The following FNBP1L variants were observed in gnomAD, a reference collection of about 807,000 sequenced individuals.
FNBP1L encodes the protein formin-binding protein 1-like.
Under a neutral mutation model 91.2 loss-of-function variants are expected in FNBP1L, and 36 were observed. That is an observed-to-expected ratio of 0.39 (90% CI 0.30 to 0.52). The LOEUF (loss-of-function observed/expected upper bound fraction) is 0.52. Ranked by LOEUF, FNBP1L falls within the 20% of genes least tolerant of loss-of-function variation. The pLI, the probability that FNBP1L is intolerant of heterozygous loss-of-function variation, is 0.66. For missense variants in FNBP1L, 571 were observed against 732.1 expected (o/e 0.78, Z 2.54); for synonymous variants, 242 against 237.0 (o/e 1.02, Z -0.19).
At chr1:93,540,891 T>TA (rs1672023909) in intron 10 of FNBP1L, 151 bp from the exon 11 acceptor site, 1 of 553,540 alleles carries the variant, frequency 1.8e-6, no homozygotes, top group African/African-American at 1.9e-5. Context: ...AAAATGTGCT[T>TA]AAAATGGTTT....
At chr1:93,460,174 G>A (rs538139900) in intron 1 of FNBP1L, among the ~76,000 whole-genome samples, 13 of 152,318 alleles carry the variant, frequency 8.5e-5, no homozygotes, top group Non-Finnish European at 1.6e-4. Flanking sequence ...CCTTTAAGAA[G>A]TGATTAGTCT....
intron 6 of FNBP1L, among the ~76,000 whole-genome samples, chr1:93,530,435 T>G (rs919866995): frequency 2.6e-5 from 4 of 152,138 alleles, no homozygotes; most frequent in African/African-American, 9.6e-5. Context: ...ATGTTTTCAT[T>G]TGTTTGTTTT....
intron 2 of FNBP1L, among the ~76,000 whole-genome samples, chr1:93,513,781 G>A (rs944273513): frequency 2.0e-5 from 3 of 152,152 alleles, no homozygotes; most frequent in Non-Finnish European, 2.9e-5. Context: ...AAAATAATAA[G>A]AGCTATCTAC....
intron 1 of FNBP1L, among the ~76,000 whole-genome samples, chr1:93,491,949 CTT>C (rs1431935653): frequency 1.9e-4 from 29 of 152,066 alleles, no homozygotes; most frequent in Admixed American, 1.8e-3. Flanking sequence ...TAATTTGTAA[CTT>C]ATCAGTAACT....
chr1:93,482,721 C>T (rs552923096), intron 1 of FNBP1L, among the ~76,000 whole-genome samples: 3 of 151,922 alleles, frequency 2.0e-5, no homozygotes, highest in African/African-American at 7.2e-5. Context: ...GGTGAAACCC[C>T]TCTCTCTACA....
intron 1 of FNBP1L, among the ~76,000 whole-genome samples, chr1:93,453,896 A>AT (rs1668573882): frequency 6.6e-6 from 1 of 152,226 alleles, no homozygotes; most frequent in Admixed American, 6.5e-5. Context: ...AATCAATTAG[A>AT]TATCAGCATG....
chr1:93,480,814 G>A (rs1258295567), intron 1 of FNBP1L, among the ~76,000 whole-genome samples: 12 of 151,866 alleles, frequency 7.9e-5, no homozygotes, highest in African/African-American at 1.5e-4. Context: ...CGCCTGCCTC[G>A]GCCTCCCAAA....
intron 16 of FNBP1L, 137 bp downstream of exon 16, chr1:93,551,242 A>G: frequency 7.2e-7 from 1 of 1,389,970 alleles, no homozygotes; most frequent in Non-Finnish European, 9.4e-7. Flanking sequence ...TTAATTGTTC[A>G]CTATGTGAGC....
rs537954935 is a variant in FNBP1L, at chr1:93,510,596, A to C, written c.140+11013A>C. Among the ~76,000 whole-genome samples, 184 of 152,114 alleles carry C rather than the reference A, an allele frequency of 1.2e-3. 1 individual carries two copies. In the Middle Eastern group the frequency reaches 0.017, roughly 14 times the overall value. ...ACAGTTCCTCACCAGCAACGGAACA[A>C]AGCTGGACGGAGAATGACTTTGATG... On this transcript the variant is annotated intron_variant, in intron 2 of 16. Transcript: ENST00000271234.
intron 2 of FNBP1L, among the ~76,000 whole-genome samples, chr1:93,511,144 A>G (rs1405276525): frequency 6.6e-6 from 1 of 152,208 alleles, no homozygotes; most frequent in South Asian, 2.1e-4. Context: ...ACTCCAAGAC[A>G]TATAATTGTC....
intron 1 of FNBP1L, among the ~76,000 whole-genome samples, chr1:93,449,865 A>G (rs529605254): frequency 6.6e-6 from 1 of 152,322 alleles, no homozygotes; most frequent in East Asian, 1.9e-4. Context: ...TATCAATGAA[A>G]GGAAATGGGT....
chr1:93,479,339 G>A (rs1444777991), intron 1 of FNBP1L, among the ~76,000 whole-genome samples: 1 of 152,166 alleles, frequency 6.6e-6, no homozygotes, highest in Non-Finnish European at 1.5e-5. Context: ...AAGATAACAA[G>A]GCAAAGGGCA....
intron 5 of FNBP1L, among the ~76,000 whole-genome samples, chr1:93,527,585 A>C (rs1468765346): frequency 2.0e-5 from 3 of 152,168 alleles, no homozygotes; most frequent in African/African-American, 7.2e-5. Context: ...GGGTAATCTA[A>C]TCATTTAGGG....
chr1:93,526,331 C>T (rs914449505), intron 5 of FNBP1L, among the ~76,000 whole-genome samples: 2 of 152,146 alleles, frequency 1.3e-5, no homozygotes, highest in Non-Finnish European at 2.9e-5. Context: ...GGCTCCATCT[C>T]CTTTTCATCT....
At chr1:93,530,967 T>TAGAAAGA in intron 7 of FNBP1L, 84 bp downstream of exon 7, 2 of 1,125,614 alleles carry the variant, frequency 1.8e-6, no homozygotes, top group Non-Finnish European at 2.5e-6. Context: ...CATCAGAATC[T>TAGAAAGA]TTCTAGATTC....
chr1:93,538,853 T>C lies in FNBP1L; in HGVS notation c.1150-2189T>C, dbSNP rs1223797187. On this transcript the variant is annotated intron_variant, in intron 10 of 16. Coordinates refer to ENST00000271234, the MANE Select transcript of FNBP1L (RefSeq NM_001164473.3). ...AATAACTTCTTAAAAATTATGATTT[T>C]TTCTTTTTCTTTTCCTTTTTTAAAG... Among the ~76,000 whole-genome samples, 82 of 152,224 alleles carry C rather than the reference T, an allele frequency of 5.4e-4. 1 individual carries two copies. The highest frequency in any genetic ancestry group is 8.8e-5 in the Non-Finnish European group (6 of 67,970).
At chr1:93,507,526 A>G (rs1321681333) in intron 2 of FNBP1L, among the ~76,000 whole-genome samples, 1 of 152,224 alleles carries the variant, frequency 6.6e-6, no homozygotes, top group East Asian at 1.9e-4. Flanking sequence ...GATTTGCGGG[A>G]CTTACTTAAC....
At chr1:93,488,897 C>G (rs1182937081) in intron 1 of FNBP1L, among the ~76,000 whole-genome samples, 2 of 152,124 alleles carry the variant, frequency 1.3e-5, no homozygotes, top group Non-Finnish European at 2.9e-5. Context: ...TACCTTCTGA[C>G]TGTTTCTCTT....
At chr1:93,482,346 A>G (rs1218256222) in intron 1 of FNBP1L, among the ~76,000 whole-genome samples, 1 of 152,192 alleles carries the variant, frequency 6.6e-6, no homozygotes, top group Non-Finnish European at 1.5e-5. Flanking sequence ...TCACATTAGC[A>G]AAAAGAAATC....
Sources: allele counts gnomAD v4.1 joint callset (sites outside exome capture counted in the v4.1 genomes callset), GRCh38; gene constraint gnomAD v4.1.1; transcripts MANE v1.5; gene names NCBI Gene and HGNC (gene_info 2026-07-23, HGNC 2026-07-21).